Variants in UGT3A1 observed in about 807,000 individuals in gnomAD.
UGT3A1 encodes UDP glycosyltransferase family 3 member A1, also known as UDP-glycosyltransferase 3A1.
UGT3A1 carries 40 observed loss-of-function variants against 37.6 expected under a neutral mutation model. The observed-to-expected ratio is 1.06, with a 90% CI of 0.83 to 1.38. The LOEUF (loss-of-function observed/expected upper bound fraction) is 1.38, where lower values mean the gene tolerates loss of function less well. Ranked by LOEUF, UGT3A1 falls within the 40% of genes most tolerant of loss-of-function variation. The pLI is 0.00. For missense variants in UGT3A1, 642 were observed against 634.2 expected, an observed-to-expected ratio of 1.01 and a Z score of -0.13; for synonymous variants, 256 against 232.3, an observed-to-expected ratio of 1.10 and a Z score of -0.93.
At chr5:35,964,685 C>G (rs1739726124) in intron 4 of UGT3A1, among the ~76,000 whole-genome samples, 3 of 152,184 alleles carry the variant, frequency 2.0e-5, no homozygotes, top group African/African-American at 7.2e-5. Context: ...CTATAGATGT[C>G]AAGATACTAA....
intron 2 of UGT3A1, among the ~76,000 whole-genome samples, chr5:35,978,161 A>C (rs1740370753): frequency 6.6e-6 from 1 of 152,076 alleles, no homozygotes; most frequent in South Asian, 2.1e-4. Context: ...CTGCCTCTTG[A>C]GTAGCTGGGA....
At chr5:35,976,694 G>T (rs1019000634) in intron 2 of UGT3A1, among the ~76,000 whole-genome samples, 1 of 151,928 alleles carries the variant, frequency 6.6e-6, no homozygotes, top group Non-Finnish European at 1.5e-5. Flanking sequence ...AAATTAGCTG[G>T]GATTGGTGGT....
chr5:35,988,702 T>C (rs539050611), intron 1 of UGT3A1, 151 bp from the exon 2 acceptor site: 2 of 598,696 alleles, frequency 3.3e-6, no homozygotes, highest in Admixed American at 3.1e-5. Flanking sequence ...GCGCTTCCTG[T>C]TCCTCAATCT....
In UGT3A1 at chr5:35,991,379, T is replaced by C. The variant is rs1561474973; in HGVS notation, c.-139A>G. 1.4e-6 allele frequency: 2 copies of C among 1,478,202 alleles called. No individual in the cohort carries two copies. The highest frequency in any genetic ancestry group is 1.4e-5 in the African/African-American group (1 of 70,620). 91.6% of individuals were successfully genotyped at this position (1,478,202 alleles called of 1,614,324 possible). Reference sequence around the variant, plus strand: ...GGTAGGAGACGGATCCTGCCAATTCTCTCGCCCTTCTGTTCGTTCTCTTTC... The same window carrying C: ...GGTAGGAGACGGATCCTGCCAATTCCCTCGCCCTTCTGTTCGTTCTCTTTC... On this transcript the variant is annotated 5_prime_UTR_variant, in exon 1 of 7. Coordinates refer to ENST00000274278, the MANE Select transcript of UGT3A1 (RefSeq NM_152404.4).
In UGT3A1 at chr5:35,957,302, C is replaced by A; in HGVS notation, c.961G>T (p.Ala321Ser). The A allele has an allele frequency of 6.2e-7, 1 of 1,614,126 alleles. No homozygotes were observed. The highest frequency in any genetic ancestry group is 8.5e-7 in the Non-Finnish European group (1 of 1,180,018). Residue 321 changes from alanine (A) to serine (S), a missense_variant, in exon 5 of 7, where the codon GCC (alanine) becomes TCC (serine). By Grantham distance (99) the Ala-to-Ser change is moderately conservative. Transcript: ENST00000274278. ...CATATCACTCCTTGAGGGAGGTGGG[C>A]AAAGGCATTGTGCATCTTCTTGAGG... ...EVLKKMHNAF[A>S]HLPQGVIWTC...
At chr5:35,973,705 G>A (rs1166215225) in intron 2 of UGT3A1, among the ~76,000 whole-genome samples, 7 of 152,164 alleles carry the variant, frequency 4.6e-5, no homozygotes, top group Admixed American at 1.3e-4. Flanking sequence ...CAGAGGCTCT[G>A]TGTTTGTTCT....
rs1580908080 is a variant in UGT3A1 at position 35,952,028 on chromosome 5, T to A, written c.*2174A>T. 6.6e-6 allele frequency: 1 copy of A among 152,200 alleles called. No individual in the cohort carries two copies. The highest frequency in any genetic ancestry group is 1.9e-4 in the East Asian group (1 of 5,194). 9.4% of individuals were successfully genotyped at this position (152,200 alleles called of 1,614,324 possible). Reference sequence around the variant, plus strand: ...TCTAAATAGGAAACAGATATTGTAATAAATAATTGCGATATAGTAAGAAAA... The same window carrying A: ...TCTAAATAGGAAACAGATATTGTAAAAAATAATTGCGATATAGTAAGAAAA... On this transcript the variant is annotated 3_prime_UTR_variant, in exon 7 of 7. Coordinates refer to ENST00000274278, the MANE Select transcript of UGT3A1 (RefSeq NM_152404.4).
At chr5:35,964,851 G>C (rs1301370057) in intron 4 of UGT3A1, among the ~76,000 whole-genome samples, 2 of 152,124 alleles carry the variant, frequency 1.3e-5, no homozygotes, top group Admixed American at 1.3e-4. Context: ...ACAATGGCAG[G>C]GGCCCACCCC....
rs1739274821 is a variant in UGT3A1 at position 35,954,409 on chromosome 5, C to G, written c.1365G>C (p.Leu455=). The G allele has an allele frequency of 6.2e-7, 1 of 1,614,116 alleles. No individual in the cohort carries two copies. Among genetic ancestry groups the G allele is most frequent in the African/African-American group, 1.3e-5 (1 of 74,932 alleles). Residue 455 remains leucine (L), a synonymous_variant, in exon 7 of 7, where the codon CTG becomes CTC. Coordinates refer to ENST00000274278, the MANE Select transcript of UGT3A1 (RefSeq NM_152404.4). ...HSQPLSPAQR[L]VGWIDHILQT... ...GGAGGATGTGGTCGATCCAGCCCAC[C>G]AGCCGCTGTGCGGGGCTCAGGGGCT...
chr5:35,997,752 A>C (rs969017996), intron 1 of UGT3A1, among the ~76,000 whole-genome samples: 8 of 152,094 alleles, frequency 5.3e-5, no homozygotes, highest in Non-Finnish European at 7.4e-5. Context: ...CCCAGGGCTC[A>C]ACACTCATCC....
intron 2 of UGT3A1, among the ~76,000 whole-genome samples, chr5:35,972,179 G>C (rs1561463753): frequency 6.6e-6 from 1 of 152,162 alleles, no homozygotes; most frequent in Non-Finnish European, 1.5e-5. Context: ...GGCTAGGAGA[G>C]AGTACACGGT....
intron 2 of UGT3A1, among the ~76,000 whole-genome samples, chr5:35,979,570 A>G (rs537773774): frequency 2.5e-4 from 35 of 141,086 alleles, no homozygotes; most frequent in Non-Finnish European, 4.6e-4. Context: ...TGTTTTTGTT[A>G]AAAAAAATTC....
At chr5:35,963,308 T>G (rs972505798) in intron 4 of UGT3A1, among the ~76,000 whole-genome samples, 4 of 152,236 alleles carry the variant, frequency 2.6e-5, no homozygotes, top group African/African-American at 9.6e-5. Context: ...GCCTGACTTT[T>G]GATCCCTCAG....
chr5:35,973,261 C>T (rs1411209817), intron 2 of UGT3A1, among the ~76,000 whole-genome samples: 1 of 152,120 alleles, frequency 6.6e-6, no homozygotes, highest in Non-Finnish European at 1.5e-5. Flanking sequence ...AAAATAGACT[C>T]GAGCTCCAGA....
chr5:35,994,760 T>A (rs1199107831), upstream of UGT3A1, among the ~76,000 whole-genome samples: 1 of 152,222 alleles, frequency 6.6e-6, no homozygotes, highest in Non-Finnish European at 1.5e-5. Context: ...CCAACACACA[T>A]CCCAACTTGG....
At chr5:35,961,640 C>A (rs1739590297) in intron 4 of UGT3A1, 1 of 152,164 alleles carries the variant, frequency 6.6e-6, no homozygotes, top group Admixed American at 6.5e-5. Context: ...GGTTTATGGG[C>A]TTGCATGGTG....
At chr5:35,979,497 T>C (rs1030017442) in intron 2 of UGT3A1, among the ~76,000 whole-genome samples, 2 of 152,114 alleles carry the variant, frequency 1.3e-5, no homozygotes, top group Non-Finnish European at 2.9e-5. Flanking sequence ...CAGTTCCTCA[T>C]AAGTTCCTCA....
rs549468369 is a variant in UGT3A1, at chr5:35,965,831, G to A, written c.398C>T (p.Ser133Phe). 6.2e-7 allele frequency: 1 copy of A among 1,613,910 alleles called. No individual in the cohort carries two copies. The highest frequency in any genetic ancestry group is 1.1e-5 in the South Asian group (1 of 91,024). ...CAGATCATAGTTCTCATTCTTTAAG[G>A]AATCCATTATATCCTTTCTGCTTAG... ...YLLSRKDIMD[S>F]LKNENYDLVF... Residue 133 changes from serine to phenylalanine, a missense_variant, in exon 4 of 7, where the codon TCC (serine) becomes TTC (phenylalanine). By Grantham distance (155) the Ser-to-Phe change is radical (BLOSUM62 -2). Transcript: ENST00000274278.
chr5:35,997,908 G>C (rs373692187), intron 1 of UGT3A1, among the ~76,000 whole-genome samples: 6 of 152,318 alleles, frequency 3.9e-5, no homozygotes, highest in African/African-American at 1.4e-4. Flanking sequence ...TTAAGTATTA[G>C]GGGCATATTA....
Sources: allele counts gnomAD v4.1 joint callset (sites outside exome capture counted in the v4.1 genomes callset), GRCh38; gene constraint gnomAD v4.1.1; transcripts MANE v1.5; gene names NCBI Gene and HGNC (gene_info 2026-07-23, HGNC 2026-07-21).